The following XKR4 variants were observed in gnomAD, a reference collection of about 807,000 sequenced individuals.
XKR4 encodes XK related 4, also known as XK-related protein 4.
XKR4 carries 12 observed loss-of-function variants against 53.9 expected under a neutral mutation model. The ratio of observed to expected loss-of-function variants is 0.22; its 90% CI spans 0.14 to 0.36. XKR4 has a LOEUF of 0.36. XKR4 is among the 10% of genes least tolerant of loss of function. XKR4 has a pLI of 1.00. For synonymous variants in XKR4, 354 were observed against 362.4 expected (o/e 0.98, Z 0.26); for missense variants, 799 against 859.5 (o/e 0.93, Z 0.88).
At chr8:55,306,048 T>C (rs1819294271) in intron 1 of XKR4, among the ~76,000 whole-genome samples, 2 of 152,130 alleles carry the variant, frequency 1.3e-5, no homozygotes, top group South Asian at 4.1e-4. Flanking sequence ...AAGATAAGAT[T>C]TAGATGATGC....
chr8:55,325,293 T>C (rs1413554142), intron 1 of XKR4, among the ~76,000 whole-genome samples: 3 of 152,188 alleles, frequency 2.0e-5, no homozygotes, highest in Non-Finnish European at 4.4e-5. Context: ...CATTTGCCTA[T>C]AGATGTATTC....
intron 2 of XKR4, among the ~76,000 whole-genome samples, chr8:55,422,102 G>T (rs1000163918): frequency 6.6e-6 from 1 of 152,138 alleles, no homozygotes; most frequent in African/African-American, 2.4e-5. Flanking sequence ...TCCATGAATT[G>T]AGACCATACT....
chr8:55,323,669 T>A (rs1803250736), intron 1 of XKR4, among the ~76,000 whole-genome samples: 2 of 152,242 alleles, frequency 1.3e-5, no homozygotes, highest in Admixed American at 1.3e-4. Context: ...TGTGCAGGTT[T>A]GTATATAATT....
intron 1 of XKR4, among the ~76,000 whole-genome samples, chr8:55,148,674 T>C (rs1216641598): frequency 1.3e-5 from 2 of 152,254 alleles, no homozygotes; most frequent in Admixed American, 6.5e-5. Context: ...GATTATAATT[T>C]ATTATTTGTC....
intron 2 of XKR4, among the ~76,000 whole-genome samples, chr8:55,389,007 G>C (rs1229142881): frequency 6.6e-6 from 1 of 152,156 alleles, no homozygotes; most frequent in Non-Finnish European, 1.5e-5. Context: ...TGATCAGGGT[G>C]GGGGATCATA....
intron 2 of XKR4, among the ~76,000 whole-genome samples, chr8:55,358,404 G>GA (rs56089227): frequency 1.1e-3 from 163 of 150,036 alleles, no homozygotes; most frequent in Middle Eastern, 3.4e-3. Context: ...GGTCATAAAG[G>GA]AAAAAAAAAA....
At chr8:55,299,760 A>G (rs1245186452) in intron 1 of XKR4, among the ~76,000 whole-genome samples, 1 of 152,136 alleles carries the variant, frequency 6.6e-6, no homozygotes, top group African/African-American at 2.4e-5. Context: ...CAGGTGCCTG[A>G]TCCTCTAAGG....
At chr8:55,408,942 G>A (rs889927579) in intron 2 of XKR4, among the ~76,000 whole-genome samples, 4 of 151,392 alleles carry the variant, frequency 2.6e-5, no homozygotes, top group African/African-American at 4.9e-5. Context: ...GGGAAGCAGA[G>A]GTTGCAGTGA....
chr8:55,323,931 T>C (rs1409909482), intron 1 of XKR4, among the ~76,000 whole-genome samples: 1 of 151,818 alleles, frequency 6.6e-6, no homozygotes, highest in Admixed American at 6.6e-5. Flanking sequence ...AGTTTAATAT[T>C]TCCATTTAGT....
chr8:55,161,093 G>T (rs1350014118), intron 1 of XKR4, among the ~76,000 whole-genome samples: 1 of 152,124 alleles, frequency 6.6e-6, no homozygotes, highest in Non-Finnish European at 1.5e-5. Context: ...CTCTTCCATT[G>T]AGTATTGCCA....
intron 1 of XKR4, among the ~76,000 whole-genome samples, chr8:55,274,723 G>A (rs562917840): frequency 2.0e-5 from 3 of 152,192 alleles, no homozygotes; most frequent in Non-Finnish European, 4.4e-5. Context: ...ATGAGCCACC[G>A]TGCCTGGCCA....
rs533009689 is a variant in XKR4, at chr8:55,230,217, A to G, written c.806+126923A>G. On this transcript the variant is annotated intron_variant, in intron 1 of 2. Coordinates refer to ENST00000327381, the MANE Select transcript of XKR4 (RefSeq NM_052898.2). ...TAAGGCAGTGGTTTCCCAGAATGTT[A>G]GATATGATAGAGCAGTAAATAAAAC... is the stretch of plus-strand genomic sequence containing the variant. 1.0e-3 allele frequency among the ~76,000 whole-genome samples: 159 copies of G among 152,356 alleles called. 1 individual carries two copies. The highest frequency in any genetic ancestry group is 2.3e-3 in the East Asian group (12 of 5,192).
intron 2 of XKR4, among the ~76,000 whole-genome samples, chr8:55,511,353 T>C (rs950947565): frequency 6.6e-6 from 1 of 152,184 alleles, no homozygotes; most frequent in African/African-American, 2.4e-5. Context: ...CCAGGAAACA[T>C]AAGCAATCAA....
intron 1 of XKR4, among the ~76,000 whole-genome samples, chr8:55,339,099 A>G (rs1038026053): frequency 6.6e-6 from 1 of 152,344 alleles, no homozygotes. Flanking sequence ...TTTTAATAGA[A>G]GAACAGAAGG....
chr8:55,358,733 T>C (rs1202482320), intron 2 of XKR4, among the ~76,000 whole-genome samples: 1 of 152,256 alleles, frequency 6.6e-6, no homozygotes, highest in Non-Finnish European at 1.5e-5. Context: ...TGTTACACAG[T>C]TAACGTATTG....
chr8:55,371,253 G>A (rs1026056327), intron 2 of XKR4, among the ~76,000 whole-genome samples: 4 of 151,824 alleles, frequency 2.6e-5, no homozygotes, highest in Non-Finnish European at 5.9e-5. Context: ...GGAAAAGATA[G>A]CAATGTGAAC....
At chr8:55,343,491 C>T (rs1056537790) in intron 1 of XKR4, among the ~76,000 whole-genome samples, 7 of 152,154 alleles carry the variant, frequency 4.6e-5, no homozygotes, top group Non-Finnish European at 8.8e-5. Context: ...TGAAGCCTTT[C>T]GGCATTCCAC....
chr8:55,301,842 T>A (rs1342024455), intron 1 of XKR4, among the ~76,000 whole-genome samples: 4 of 152,210 alleles, frequency 2.6e-5, no homozygotes. Flanking sequence ...TTGATGGGGT[T>A]GTTTGTTTTT....
intron 1 of XKR4, among the ~76,000 whole-genome samples, chr8:55,287,134 G>T (rs1195972390): frequency 8.2e-5 from 1 of 12,132 alleles, no homozygotes; most frequent in Non-Finnish European, 1.9e-3. Flanking sequence ...TATTGGGTGG[G>T]GGGGGGGAAC....
Sources: gnomAD v4.1 joint callset for allele counts (sites outside exome capture counted in the v4.1 genomes callset) on GRCh38, gnomAD v4.1.1 for gene constraint, MANE v1.5 for transcripts, NCBI Gene and HGNC (gene_info 2026-07-23, HGNC 2026-07-21) for gene names.